Variants in THRB observed in about 807,000 individuals in gnomAD.
THRB encodes the protein nuclear receptor subfamily 1 group A member 2.
THRB carries 12 observed loss-of-function variants against 47.8 expected under a neutral mutation model. The ratio of observed to expected loss-of-function variants is 0.25; its 90% CI spans 0.16 to 0.41. THRB has a LOEUF of 0.41. Ranked by LOEUF, THRB falls within the 10% of genes least tolerant of loss-of-function variation. The pLI is 1.00. For synonymous variants in THRB, 218 were observed against 212.2 expected (o/e 1.03, Z -0.24); for missense variants, 348 against 589.2 (o/e 0.59, Z 4.24).
chr3:24,190,181 A>T lies in THRB; in HGVS notation c.176T>A (p.Ile59Asn). The stretch of plus-strand genomic sequence containing the variant: ...TATTGAGCTAGTCCAAGTGGTCTGG[A>T]TGAGATGTGGCGACGACTGTTCATT... ...LKNEQSSPHL[I>N]QTTWTSSIFH... The change falls in exon 5 of 11, where the codon ATC (isoleucine) becomes AAC (asparagine). Residue 59 changes from isoleucine (I) to asparagine (N), a missense_variant. Transcript: ENST00000646209. The T allele has an allele frequency of 6.2e-7, 1 of 1,614,110 alleles. No homozygotes were observed. The highest frequency in any genetic ancestry group is 8.5e-7 in the Non-Finnish European group (1 of 1,179,980).
chr3:24,142,502 T>C (rs568150720), intron 8 of THRB, among the ~76,000 whole-genome samples: 52 of 152,368 alleles, frequency 3.4e-4, no homozygotes, highest in Middle Eastern at 6.8e-3. Context: ...ATGTTAATGT[T>C]GAGGTACAAG....
At chr3:24,335,335 G>C (rs1169693272) in intron 2 of THRB, among the ~76,000 whole-genome samples, 1 of 152,100 alleles carries the variant, frequency 6.6e-6, no homozygotes, top group East Asian at 1.9e-4. Context: ...TCTGGATTTG[G>C]TGATTATTGA....
chr3:24,494,428 C>A (rs1698704620), intron 1 of THRB: 1 of 152,470 alleles, frequency 6.6e-6, no homozygotes, highest in Non-Finnish European at 1.5e-5. Context: ...TGCCGCCGCG[C>A]GGTGCCCGAA....
chr3:24,278,939 G>A (rs1169574697), intron 3 of THRB, among the ~76,000 whole-genome samples: 4 of 150,884 alleles, frequency 2.7e-5, no homozygotes, highest in African/African-American at 9.9e-5. Context: ...TGAACTCCTG[G>A]GATCAAGTGA....
chr3:24,237,460 ACAAT>A (rs1204329464), intron 3 of THRB, among the ~76,000 whole-genome samples: 2 of 152,132 alleles, frequency 1.3e-5, no homozygotes, highest in African/African-American at 2.4e-5. Flanking sequence ...CTCCAGTTCA[ACAAT>A]CTCATTCTAG....
At chr3:24,319,905 T>C in intron 2 of THRB, among the ~76,000 whole-genome samples, 1 of 152,162 alleles carries the variant, frequency 6.6e-6, no homozygotes, top group Non-Finnish European at 1.5e-5. Flanking sequence ...AACACAGCAT[T>C]ATGGCAAACT....
chr3:24,311,449 T>C (rs2057754034), intron 2 of THRB, among the ~76,000 whole-genome samples: 1 of 152,132 alleles, frequency 6.6e-6, no homozygotes, highest in South Asian at 2.1e-4. Context: ...CTTCCAACCA[T>C]CTATTTTCAG....
chr3:24,474,535 T>C (rs1695166174), intron 1 of THRB, among the ~76,000 whole-genome samples: 1 of 152,188 alleles, frequency 6.6e-6, no homozygotes, highest in South Asian at 2.1e-4. Flanking sequence ...CTATTTGCCA[T>C]CCTAGGCTTT....
chr3:24,439,401 C>T (rs765618345), intron 1 of THRB, among the ~76,000 whole-genome samples: 12 of 152,104 alleles, frequency 7.9e-5, no homozygotes, highest in Non-Finnish European at 1.5e-4. Flanking sequence ...TAGAGCCGGA[C>T]GCCCTCTCAC....
At chr3:24,188,193 C>T (rs948107118) in intron 5 of THRB, among the ~76,000 whole-genome samples, 16 of 152,234 alleles carry the variant, frequency 1.1e-4, no homozygotes, top group African/African-American at 3.9e-4. Flanking sequence ...TTACCAGGCT[C>T]ACAGCATAGT....
chr3:24,162,513 C>T (rs2039014695), intron 5 of THRB, among the ~76,000 whole-genome samples: 1 of 152,066 alleles, frequency 6.6e-6, no homozygotes, highest in Non-Finnish European at 1.5e-5. Context: ...ATAAGACAGA[C>T]ATTACATTCT....
intron 1 of THRB, among the ~76,000 whole-genome samples, chr3:24,408,561 G>A (rs1560118485): frequency 6.6e-6 from 1 of 151,718 alleles, no homozygotes; most frequent in Admixed American, 6.6e-5. Flanking sequence ...AATCATATTT[G>A]GACATTTGTT....
intron 1 of THRB, among the ~76,000 whole-genome samples, chr3:24,438,690 C>A (rs2071233635): frequency 6.6e-6 from 1 of 152,130 alleles, no homozygotes; most frequent in Admixed American, 6.5e-5. Flanking sequence ...CTGGGGGATG[C>A]TCCTGGCAAA....
At chr3:24,394,807 G>A (rs1400111082) in intron 1 of THRB, among the ~76,000 whole-genome samples, 7 of 152,026 alleles carry the variant, frequency 4.6e-5, no homozygotes, top group Non-Finnish European at 7.4e-5. Context: ...CTGATATCAC[G>A]CTTCACTTAA....
chr3:24,331,284 GA>G (rs1301211027), intron 2 of THRB, among the ~76,000 whole-genome samples: 1 of 151,724 alleles, frequency 6.6e-6, no homozygotes, highest in African/African-American at 2.4e-5. Context: ...CAAAAAGAAA[GA>G]AAAAAAGAAG....
intron 1 of THRB, among the ~76,000 whole-genome samples, chr3:24,452,654 C>T (rs1219149338): frequency 6.6e-6 from 1 of 151,950 alleles, no homozygotes; most frequent in Admixed American, 6.6e-5. Flanking sequence ...GGTGCTCAAG[C>T]AGAAACGTGG....
At chr3:24,143,823 C>T (rs2035757490) in intron 7 of THRB, 117 bp from the exon 8 acceptor site, 1 of 1,036,508 alleles carries the variant, frequency 9.6e-7, no homozygotes, top group Admixed American at 1.9e-5. Flanking sequence ...TTACTGGGTC[C>T]TTCGGGGTGG....
At chr3:24,271,762 T>C (rs1443325749) in intron 3 of THRB, among the ~76,000 whole-genome samples, 2 of 152,050 alleles carry the variant, frequency 1.3e-5, no homozygotes, top group African/African-American at 2.4e-5. Context: ...ATTACAATAG[T>C]ATTTTTTTCC....
intron 1 of THRB, among the ~76,000 whole-genome samples, chr3:24,376,272 G>C (rs2065278203): frequency 6.6e-6 from 1 of 152,190 alleles, no homozygotes; most frequent in Non-Finnish European, 1.5e-5. Context: ...GAAGACACAG[G>C]AGATAAGCTT....
Sources: allele counts gnomAD v4.1 joint callset (sites outside exome capture counted in the v4.1 genomes callset), GRCh38; gene constraint gnomAD v4.1.1; transcripts MANE v1.5; gene names NCBI Gene and HGNC (gene_info 2026-07-23, HGNC 2026-07-21).